Variants in LPCAT2 observed in about 807,000 individuals in gnomAD.
LPCAT2 encodes the protein lysophosphatidylcholine acyltransferase 2.
LPCAT2 carries 58 observed loss-of-function variants against 64.7 expected under a neutral mutation model. The observed-to-expected ratio is 0.90, with a 90% CI of 0.73 to 1.12. The LOEUF is 1.12. Among genes scored for constraint, LPCAT2 ranks in the 50% most tolerant of loss-of-function variants. The probability of loss-of-function intolerance (pLI) is 0.00; values close to 1 mark genes in which losing one functional copy is unlikely to be tolerated. For missense variants in LPCAT2, 579 were observed against 669.8 expected (o/e 0.86, Z 1.50); for synonymous variants, 252 against 245.3 (o/e 1.03, Z -0.26).
intron 12 of LPCAT2, 167 bp from the exon 13 acceptor site, chr16:55,578,942 C>T: frequency 1.5e-6 from 1 of 650,484 alleles, no homozygotes; most frequent in Admixed American, 2.6e-5. Context: ...CTCTCAAACA[C>T]CAAGCTACAG....
intron 1 of LPCAT2, among the ~76,000 whole-genome samples, chr16:55,514,190 A>T (rs893263532): frequency 1.3e-5 from 2 of 152,196 alleles, no homozygotes; most frequent in Non-Finnish European, 2.9e-5. Flanking sequence ...AAGCTTTGAC[A>T]TATTCCTAGG....
chr16:55,567,173 G>T (rs754937995), intron 11 of LPCAT2: 1 of 1,613,838 alleles, frequency 6.2e-7, no homozygotes, highest in South Asian at 1.1e-5. Flanking sequence ...CTGGTAAGCT[G>T]GGCTTTGAAG....
At chr16:55,534,346 C>A in intron 6 of LPCAT2, 97 bp from the exon 7 acceptor site, 1 of 763,564 alleles carries the variant, frequency 1.3e-6, no homozygotes, top group Non-Finnish European at 2.3e-6. Flanking sequence ...CTTTTAATTT[C>A]AGAAAAAATA....
intron 1 of LPCAT2, among the ~76,000 whole-genome samples, chr16:55,518,701 G>C (rs1315405961): frequency 1.3e-5 from 2 of 152,208 alleles, no homozygotes; most frequent in Non-Finnish European, 2.9e-5. Context: ...TGCAACAAAT[G>C]GTCTGGGACA....
At position 55,574,675 on chromosome 16, in the gene LPCAT2, G is replaced by A. The variant is rs13334083; in HGVS notation, c.1260G>A (p.Leu420=). ...ACTTCCGAGAGTATGTGATTGGCCTGGCTGTCTTGTGCAACCCTTCCAACA... is the reference window on the plus strand; with the variant it reads ...ACTTCCGAGAGTATGTGATTGGCCTAGCTGTCTTGTGCAACCCTTCCAACA... ...SIDFREYVIG[L]AVLCNPSNTE... The change falls in exon 12 of 14, where the codon CTG becomes CTA. Residue 420 remains leucine (L), a synonymous_variant. Transcript: ENST00000262134. 0.054 allele frequency: 86,770 copies of A among 1,613,262 alleles called. 2,814 individuals are homozygous for A. The highest frequency in any genetic ancestry group is 0.13 in the African/African-American group (9,713 of 74,904).
chr16:55,544,231 C>T (rs1488579337), intron 8 of LPCAT2, among the ~76,000 whole-genome samples: 10 of 46,172 alleles, frequency 2.2e-4, no homozygotes, highest in African/African-American at 3.1e-4. Context: ...AAAACAGGTC[C>T]ATTTGGAAAA....
chr16:55,539,977 T>G (rs531214982), intron 8 of LPCAT2: 1 of 152,288 alleles, frequency 6.6e-6, no homozygotes, highest in East Asian at 1.9e-4. Flanking sequence ...TTAGACAGTC[T>G]TGCTTTTGTG....
intron 4 of LPCAT2, among the ~76,000 whole-genome samples, chr16:55,531,089 T>C (rs1963247072): frequency 1.3e-5 from 2 of 152,132 alleles, no homozygotes; most frequent in South Asian, 4.1e-4. Flanking sequence ...GAAACCCACT[T>C]TTAAACTGGA....
In LPCAT2 at chr16:55,585,915, TC is replaced by T; in HGVS notation, c.*2818del. ...TTAATTGAAGGCCACTAATTGATGCTCAAATAGAAGGATATTGACTATATTG... is the reference window on the plus strand; with the variant it reads ...TTAATTGAAGGCCACTAATTGATGCTAAATAGAAGGATATTGACTATATTG... On this transcript the variant is annotated 3_prime_UTR_variant, in exon 14 of 14. Transcript: ENST00000262134. 1 of 152,298 alleles carries T rather than the reference TC, an allele frequency of 6.6e-6. No homozygotes were observed. Among genetic ancestry groups the T allele is most frequent in the East Asian group, 1.9e-4 (1 of 5,174 alleles). The allele number at this position is 152,298 out of a possible 1,614,324, so 9.4% of individuals were successfully genotyped here.
intron 12 of LPCAT2, among the ~76,000 whole-genome samples, chr16:55,576,640 CT>C (rs1963831254): frequency 6.6e-6 from 1 of 152,072 alleles, no homozygotes; most frequent in Non-Finnish European, 1.5e-5. Context: ...TCCAGCTGGT[CT>C]TGGGCCATGT....
At chr16:55,547,275 A>G (rs1250977058) in intron 9 of LPCAT2, among the ~76,000 whole-genome samples, 1 of 152,232 alleles carries the variant, frequency 6.6e-6, no homozygotes, top group Non-Finnish European at 1.5e-5. Context: ...GGAGGTAATA[A>G]TGACTTGTGA....
intron 12 of LPCAT2, among the ~76,000 whole-genome samples, chr16:55,577,312 TG>T (rs5817023): frequency 0.3 from 45,134 of 152,026 alleles, 8,241 homozygotes; most frequent in Non-Finnish European, 0.39. Context: ...ATTTTTTTCA[TG>T]GTTATCACCC....
intron 8 of LPCAT2, chr16:55,541,505 C>A: frequency 6.5e-6 from 1 of 153,458 alleles, no homozygotes; most frequent in Non-Finnish European, 1.4e-5. Context: ...TTTAGAAAAC[C>A]TCAATCATAC....
chr16:55,523,875 A>G (rs1232952991), intron 1 of LPCAT2, among the ~76,000 whole-genome samples: 1 of 151,820 alleles, frequency 6.6e-6, no homozygotes, highest in Non-Finnish European at 1.5e-5. Context: ...CTCATAATCT[A>G]TAAACTTAAA....
At chr16:55,564,730 C>T (rs887062018) in intron 11 of LPCAT2, among the ~76,000 whole-genome samples, 1 of 151,958 alleles carries the variant, frequency 6.6e-6, no homozygotes, top group African/African-American at 2.4e-5. Context: ...AGAGCTGAAA[C>T]TATAAAACTC....
Position 55,582,917 on chromosome 16 carries a change from A to C in LPCAT2, c.1454A>C (p.Glu485Ala). ...IAQGDSISYEEFKSFALKHPE... is the reference protein window; with the variant it reads ...IAQGDSISYEAFKSFALKHPE... ...ATTTTTTTTCTTTCTCTTCTAGAGG[A>C]ATTTAAAAGTTTTGCCTTAAAGCAT... The change falls in exon 14 of 14, where the codon GAA becomes GCA. Residue 485 changes from glutamate to alanine, a missense_variant. Physicochemically the swap from Glu to Ala is moderately radical, Grantham distance 107. Transcript: ENST00000262134. 1 of 1,602,412 alleles carries C rather than the reference A, an allele frequency of 6.2e-7. No individual in the cohort carries two copies. Among genetic ancestry groups the C allele is most frequent in the Non-Finnish European group, 8.5e-7 (1 of 1,172,440 alleles).
At chr16:55,557,902 G>A (rs1008681609) in intron 11 of LPCAT2, among the ~76,000 whole-genome samples, 20 of 152,100 alleles carry the variant, frequency 1.3e-4, no homozygotes, top group Non-Finnish European at 2.5e-4. Flanking sequence ...TCAGATATTT[G>A]ATGGCAGACA....
intron 11 of LPCAT2, among the ~76,000 whole-genome samples, chr16:55,569,995 G>A (rs1406466191): frequency 2.0e-5 from 3 of 152,054 alleles, no homozygotes; most frequent in Non-Finnish European, 4.4e-5. Flanking sequence ...ATAACTCCAT[G>A]CCATTATTCT....
At chr16:55,550,337 T>C (rs1359048507) in intron 10 of LPCAT2, among the ~76,000 whole-genome samples, 1 of 152,190 alleles carries the variant, frequency 6.6e-6, no homozygotes, top group Non-Finnish European at 1.5e-5. Flanking sequence ...TAACTAATCT[T>C]GGAGGACATG....
Sources: allele counts gnomAD v4.1 joint callset (sites outside exome capture counted in the v4.1 genomes callset), GRCh38; gene constraint gnomAD v4.1.1; transcripts MANE v1.5; gene names NCBI Gene and HGNC (gene_info 2026-07-23, HGNC 2026-07-21).